The following SYT9 variants were observed in gnomAD, a reference collection of about 807,000 sequenced individuals.
The protein encoded by SYT9 is synaptotagmin 9.
SYT9 carries 22 observed loss-of-function variants against 48.4 expected under a neutral mutation model. That is an observed-to-expected ratio of 0.45 (90% CI 0.32 to 0.65). SYT9 has a LOEUF of 0.65. SYT9 is among the 30% of genes least tolerant of loss of function. The pLI, the probability that SYT9 is intolerant of heterozygous loss-of-function variation, is 0.03. For synonymous variants in SYT9, 265 were observed against 245.0 expected, an observed-to-expected ratio of 1.08 and a Z score of -0.76; for missense variants, 577 against 622.0, an observed-to-expected ratio of 0.93 and a Z score of 0.77.
intron 3 of SYT9, among the ~76,000 whole-genome samples, chr11:7,344,684 A>G (rs953042539): frequency 1.3e-5 from 2 of 152,162 alleles, no homozygotes; most frequent in African/African-American, 2.4e-5. Flanking sequence ...TATCCACACA[A>G]TTGTCTTTTG....
chr11:7,382,973 ATAAG>A (rs1850593875), intron 3 of SYT9, among the ~76,000 whole-genome samples: 1 of 152,218 alleles, frequency 6.6e-6, no homozygotes, highest in Non-Finnish European at 1.5e-5. Flanking sequence ...GTTAATATCT[ATAAG>A]TAAAGTGCAG....
At chr11:7,290,627 GAAT>G (rs1411936119) in intron 1 of SYT9, among the ~76,000 whole-genome samples, 3 of 152,134 alleles carry the variant, frequency 2.0e-5, no homozygotes, top group Admixed American at 6.5e-5. Flanking sequence ...GTGGAGTAAG[GAAT>G]AGTTATAAAA....
intron 3 of SYT9, among the ~76,000 whole-genome samples, chr11:7,407,163 G>A (rs1443583332): frequency 2.0e-5 from 3 of 152,014 alleles, no homozygotes; most frequent in Non-Finnish European, 4.4e-5. Flanking sequence ...TCCTCACTCT[G>A]TTGATTGTTT....
chr11:7,416,234 G>T (rs772240128), intron 4 of SYT9, 72 bp downstream of exon 4: 257 of 1,575,218 alleles, frequency 1.6e-4, no homozygotes, highest in Non-Finnish European at 2.1e-4. Context: ...GTTTTAGTAT[G>T]GTAATAAAGC....
Position 7,244,435 on chromosome 11 carries a change from A to G in SYT9, c.49+5519A>G, listed in dbSNP as rs1006600783. On this transcript the variant is annotated intron_variant and NMD_transcript_variant, in intron 1 of 8. Coordinates refer to the SYT9 transcript ENST00000524820. Reference sequence around the variant, plus strand: ...AAATTCACTCGAAACAGGAAAGAATAAAGCTCACAGATTAAAGGCTATTGA... The same window carrying G: ...AAATTCACTCGAAACAGGAAAGAATGAAGCTCACAGATTAAAGGCTATTGA... 6.6e-5 allele frequency among the ~76,000 whole-genome samples: 10 copies of G among 152,370 alleles called. 1 individual carries two copies. In the Middle Eastern group the frequency reaches 0.027, roughly 415 times the overall value.
At chr11:7,383,337 A>G (rs1362695628) in intron 3 of SYT9, among the ~76,000 whole-genome samples, 1 of 152,122 alleles carries the variant, frequency 6.6e-6, no homozygotes, top group Non-Finnish European at 1.5e-5. Context: ...CAGTAGTACT[A>G]GGAAATATGG....
intron 6 of SYT9, among the ~76,000 whole-genome samples, chr11:7,424,888 T>A (rs1304288108): frequency 6.6e-6 from 1 of 152,116 alleles, no homozygotes; most frequent in Admixed American, 6.6e-5. Flanking sequence ...CCTCTTCAAC[T>A]CAGAATTACA....
chr11:7,314,531 C>T (rs549155015), intron 3 of SYT9, among the ~76,000 whole-genome samples: 8 of 152,338 alleles, frequency 5.3e-5, no homozygotes, highest in African/African-American at 1.9e-4. Context: ...AATCTATCGA[C>T]AGTCACATCC....
At chr11:7,437,167 T>C (rs1383529532) in intron 6 of SYT9, among the ~76,000 whole-genome samples, 2 of 152,204 alleles carry the variant, frequency 1.3e-5, no homozygotes, top group Non-Finnish European at 2.9e-5. Context: ...TTTCCAGAGA[T>C]AGCCTAAGTT....
chr11:7,416,296 G>A (rs1847247139), intron 4 of SYT9, 134 bp downstream of exon 4: 2 of 1,031,492 alleles, frequency 1.9e-6, no homozygotes, highest in Non-Finnish European at 2.8e-6. Flanking sequence ...CCTAACACCT[G>A]TGTGACCTTG....
chr11:7,393,466 T>C (rs1846679029), intron 3 of SYT9, among the ~76,000 whole-genome samples: 1 of 152,118 alleles, frequency 6.6e-6, no homozygotes, highest in Admixed American at 6.5e-5. Context: ...TTGATCATAG[T>C]GAATTAACAT....
At chr11:7,392,515 A>G (rs1044513598) in intron 3 of SYT9, among the ~76,000 whole-genome samples, 6 of 152,050 alleles carry the variant, frequency 3.9e-5, no homozygotes, top group African/African-American at 1.4e-4. Flanking sequence ...GCTTTGTAGT[A>G]TAGTTTAAAG....
chr11:7,360,333 G>A (rs997963195), intron 3 of SYT9, among the ~76,000 whole-genome samples: 9 of 152,102 alleles, frequency 5.9e-5, no homozygotes, highest in African/African-American at 1.4e-4. Context: ...TTGGCATTGC[G>A]GGCTCTTTTT....
At chr11:7,386,170 G>A (rs552278577) in intron 3 of SYT9, among the ~76,000 whole-genome samples, 72 of 151,588 alleles carry the variant, frequency 4.7e-4, no homozygotes, top group Non-Finnish European at 9.6e-4. Context: ...TTTTTTTCTG[G>A]TATATAAAAA....
chr11:7,388,119 C>T (rs2134056060), intron 3 of SYT9, among the ~76,000 whole-genome samples: 1 of 152,206 alleles, frequency 6.6e-6, no homozygotes, highest in South Asian at 2.1e-4. Context: ...ACCAGTGAAC[C>T]CAACTGCACC....
chr11:7,292,159 T>C (rs1196110159), intron 1 of SYT9, among the ~76,000 whole-genome samples: 2 of 152,202 alleles, frequency 1.3e-5, no homozygotes, highest in African/African-American at 2.4e-5. Context: ...TTCTAAATGC[T>C]CATTCACAAA....
At position 7,417,927 on chromosome 11, in the gene SYT9, C is replaced by T. The variant is rs753702228; in HGVS notation, c.1166-30C>T. On this transcript the variant is annotated intron_variant, in intron 4 of 6. Coordinates refer to ENST00000318881, the MANE Select transcript of SYT9 (RefSeq NM_175733.4). Reference sequence around the variant, plus strand: ...CCACCTAAATCTATACGTATCCTCACAGTACTCCTGCTTCTCATGGTCTGT... The same window carrying T: ...CCACCTAAATCTATACGTATCCTCATAGTACTCCTGCTTCTCATGGTCTGT... 6.9e-6 allele frequency: 11 copies of T among 1,604,038 alleles called. No homozygotes were observed. In the South Asian group the frequency reaches 1.1e-4, roughly 16 times the overall value.
At chr11:7,392,296 AG>A (rs1846640217) in intron 3 of SYT9, among the ~76,000 whole-genome samples, 2 of 152,172 alleles carry the variant, frequency 1.3e-5, no homozygotes, top group African/African-American at 4.8e-5. Context: ...TATGATAGAT[AG>A]GGGTCCACTT....
intron 3 of SYT9, among the ~76,000 whole-genome samples, chr11:7,315,880 A>G (rs942912539): frequency 6.6e-6 from 1 of 152,148 alleles, no homozygotes; most frequent in Non-Finnish European, 1.5e-5. Context: ...AGGGAGGAAA[A>G]CCAATAAAGC....
Sources: allele counts gnomAD v4.1 joint callset (sites outside exome capture counted in the v4.1 genomes callset), GRCh38; gene constraint gnomAD v4.1.1; transcripts MANE v1.5; gene names NCBI Gene and HGNC (gene_info 2026-07-23, HGNC 2026-07-21).